DLGAP2: variants seen among roughly 807,000 people sequenced by gnomAD.
DLGAP2 encodes DLG associated protein 2, also known as disks large-associated protein 2.
Under a neutral mutation model 100.3 loss-of-function variants are expected in DLGAP2, and 26 were observed. The observed-to-expected ratio is 0.26, with a 90% CI of 0.19 to 0.36. DLGAP2 has a LOEUF of 0.36. DLGAP2 is among the 10% of genes least tolerant of loss of function. The pLI, the probability that DLGAP2 is intolerant of heterozygous loss-of-function variation, is 1.00. For synonymous variants in DLGAP2, 886 were observed against 630.1 expected (o/e 1.41, Z -6.08); for missense variants, 1,858 against 1,453.2 (o/e 1.28, Z -4.53).
At chr8:1,273,346 G>A (rs1386817053) in intron 3 of DLGAP2, among the ~76,000 whole-genome samples, 2 of 152,170 alleles carry the variant, frequency 1.3e-5, no homozygotes, top group African/African-American at 2.4e-5. Context: ...TGCCAGCTGA[G>A]CATTTGCTTG....
rs118137239 is a variant in DLGAP2 at position 1,355,758 on chromosome 8, A to G, written c.106+96875A>G. ...AAGACTGGTCCTGTCCCTGTGGACA[A>G]GTGCCCCACAGCTGTGTGGCTCCCT... On this transcript the variant is annotated intron_variant, in intron 3 of 14. Transcript: ENST00000637795. 5.2e-3 allele frequency among the ~76,000 whole-genome samples: 790 copies of G among 152,214 alleles called. 4 individuals are homozygous for G. Among genetic ancestry groups the G allele is most frequent in the Middle Eastern group, 0.017 (5 of 294 alleles).
At chr8:1,409,504 C>G (rs984070686) in intron 3 of DLGAP2, among the ~76,000 whole-genome samples, 5 of 152,230 alleles carry the variant, frequency 3.3e-5, no homozygotes, top group Non-Finnish European at 2.9e-5. Context: ...AAGAAGAGAG[C>G]TGGGTGTGAC....
chr8:1,459,380 T>C (rs1452442409), intron 3 of DLGAP2, among the ~76,000 whole-genome samples: 1 of 152,256 alleles, frequency 6.6e-6, no homozygotes, highest in Non-Finnish European at 1.5e-5. Flanking sequence ...CTGAGCATGT[T>C]AATATTTTAA....
At chr8:1,170,094 T>C (rs893410386) in intron 2 of DLGAP2, among the ~76,000 whole-genome samples, 21 of 152,132 alleles carry the variant, frequency 1.4e-4, no homozygotes, top group East Asian at 7.7e-4. Flanking sequence ...TAGCATGAAG[T>C]GTTGTTGAAT....
At chr8:1,069,263 G>A (rs1034080912) in intron 2 of DLGAP2, among the ~76,000 whole-genome samples, 1 of 152,162 alleles carries the variant, frequency 6.6e-6, no homozygotes, top group Non-Finnish European at 1.5e-5. Context: ...AGGTGGTGGG[G>A]GCTGCCAGCT....
chr8:1,177,187 C>T (rs970914654), intron 2 of DLGAP2, among the ~76,000 whole-genome samples: 1 of 152,094 alleles, frequency 6.6e-6, no homozygotes, highest in Admixed American at 6.6e-5. Context: ...TTGCTGGGGC[C>T]CTTACATCTT....
chr8:1,180,609 G>C (rs915454632), intron 2 of DLGAP2, among the ~76,000 whole-genome samples: 4 of 135,486 alleles, frequency 3.0e-5, no homozygotes, highest in African/African-American at 8.0e-5. Context: ...GTGTGGGTGT[G>C]TGAGGGCAGC....
At chr8:1,695,702 A>C (rs1160768253) in intron 13 of DLGAP2, among the ~76,000 whole-genome samples, 4 of 152,216 alleles carry the variant, frequency 2.6e-5, no homozygotes, top group African/African-American at 9.6e-5. Context: ...GTTGGCGAAG[A>C]CTTCTGGAAG....
At chr8:1,631,433 A>G (rs986187427) in intron 7 of DLGAP2, among the ~76,000 whole-genome samples, 4 of 152,158 alleles carry the variant, frequency 2.6e-5, no homozygotes, top group African/African-American at 4.8e-5. Flanking sequence ...AAAATTCTAC[A>G]TAAGTGAAAA....
At chr8:984,873 T>A (rs1053253984) in intron 2 of DLGAP2, among the ~76,000 whole-genome samples, 6 of 152,200 alleles carry the variant, frequency 3.9e-5, no homozygotes, top group Non-Finnish European at 8.8e-5. Context: ...CCTGAATTTT[T>A]CTTTGTCTGT....
chr8:953,172 C>A (rs1054734155), intron 2 of DLGAP2, among the ~76,000 whole-genome samples: 1 of 152,048 alleles, frequency 6.6e-6, no homozygotes, highest in African/African-American at 2.4e-5. Flanking sequence ...TACAGATATT[C>A]GAAATTTCTA....
chr8:1,617,747 C>T (rs1252707248), intron 6 of DLGAP2, among the ~76,000 whole-genome samples: 8 of 152,220 alleles, frequency 5.3e-5, no homozygotes, highest in South Asian at 4.1e-4. Context: ...TAATGGACAG[C>T]GCACCTCTAG....
chr8:1,156,757 G>C (rs961115606), intron 2 of DLGAP2, among the ~76,000 whole-genome samples: 5 of 152,270 alleles, frequency 3.3e-5, no homozygotes, highest in African/African-American at 1.2e-4. Flanking sequence ...TGGTGCCCCA[G>C]CTCAGGATCC....
intron 8 of DLGAP2, among the ~76,000 whole-genome samples, chr8:1,659,604 C>G (rs556093583): frequency 2.1e-3 from 318 of 152,238 alleles, no homozygotes; most frequent in Non-Finnish European, 3.2e-3. Context: ...CAATGCCCTT[C>G]TTTGTCTTTT....
rs921216435 is a variant in DLGAP2, at chr8:1,172,411, C to T, written c.74-86440C>T. 9.2e-4 allele frequency among the ~76,000 whole-genome samples: 139 copies of T among 151,364 alleles called. 3 individuals are homozygous for T. The highest frequency in any genetic ancestry group is 1.9e-4 in the Non-Finnish European group (13 of 67,746). ...AGCTTTGTGGCGTTCTCTGTATTTC[C>T]TGAATCTGAATGTTGGCCTGCCTTG... On this transcript the variant is annotated intron_variant, in intron 2 of 14. Coordinates refer to ENST00000637795, the MANE Select transcript of DLGAP2 (RefSeq NM_001346810.2).
intron 3 of DLGAP2, among the ~76,000 whole-genome samples, chr8:1,339,694 G>A (rs565529627): frequency 2.6e-4 from 40 of 152,274 alleles, no homozygotes; most frequent in Admixed American, 2.0e-4. Flanking sequence ...AGGGGGATCC[G>A]GAGTCTCAGA....
intron 8 of DLGAP2, among the ~76,000 whole-genome samples, chr8:1,662,063 C>G (rs1354154712): frequency 2.0e-5 from 3 of 152,228 alleles, no homozygotes; most frequent in Non-Finnish European, 4.4e-5. Context: ...AGGGCTGCCG[C>G]AAAGGGTCTT....
At chr8:1,645,450 G>C (rs562548272) in intron 8 of DLGAP2, among the ~76,000 whole-genome samples, 3 of 152,222 alleles carry the variant, frequency 2.0e-5, no homozygotes, top group Non-Finnish European at 4.4e-5. Flanking sequence ...TGGGTTAAAT[G>C]TATTAAACGT....
intron 2 of DLGAP2, among the ~76,000 whole-genome samples, chr8:1,021,302 A>T (rs551089878): frequency 1.3e-5 from 2 of 152,274 alleles, no homozygotes; most frequent in South Asian, 4.2e-4. Flanking sequence ...AAAATACGAT[A>T]TATTTTGGAA....
Sources: gnomAD v4.1 joint callset for allele counts (sites outside exome capture counted in the v4.1 genomes callset) on GRCh38, gnomAD v4.1.1 for gene constraint, MANE v1.5 for transcripts, NCBI Gene and HGNC (gene_info 2026-07-23, HGNC 2026-07-21) for gene names.